The following TOM1 variants were observed in gnomAD, a reference collection of about 807,000 sequenced individuals.
TOM1 encodes the protein target of myb1 membrane trafficking protein.
In TOM1, 38 loss-of-function variants were observed where a neutral mutation model predicts 61.3. The observed-to-expected ratio is 0.62, with a 90% CI of 0.48 to 0.81. TOM1 has a LOEUF of 0.81. Ranked by LOEUF, TOM1 falls within the 40% of genes least tolerant of loss-of-function variation. The pLI, the probability that TOM1 is intolerant of heterozygous loss-of-function variation, is 0.00. For synonymous variants in TOM1, 270 were observed against 268.8 expected (o/e 1.00, Z -0.04); for missense variants, 591 against 659.6 (o/e 0.90, Z 1.14).
At chr22:35,343,975 C>CTACACCTACACATACAAACCTACACTCA (rs1930269468) in intron 12 of TOM1, among the ~76,000 whole-genome samples, 1 of 150,578 alleles carries the variant, frequency 6.6e-6, no homozygotes, top group Non-Finnish European at 1.5e-5. Context: ...CCTACACAAC[C>CTACACCTACACATACAAACCTACACTCA]TACACCTACA....
chr22:35,327,693 G>A (rs1005481797), intron 7 of TOM1, among the ~76,000 whole-genome samples: 3 of 152,200 alleles, frequency 2.0e-5, no homozygotes, highest in African/African-American at 7.2e-5. Flanking sequence ...TGAAAAACAC[G>A]CAGGCTTGTG....
chr22:35,303,890 C>T (rs138744), intron 1 of TOM1, among the ~76,000 whole-genome samples: 78,143 of 152,030 alleles, frequency 0.51, 22,914 homozygotes, highest in Non-Finnish European at 0.65. Context: ...TAGGCTGAAC[C>T]TCTTGAGAGC....
At position 35,347,195 on chromosome 22, in the gene TOM1, C is replaced by T; in HGVS notation, c.1465C>T (p.Leu489=). Residue 489 remains leucine (L), a synonymous_variant, in exon 15 of 15, where the codon CTG becomes TTG. Coordinates refer to ENST00000449058, the MANE Select transcript of TOM1 (RefSeq NM_005488.3). ...KKTQEKDDDM[L]FAL ...GACCCAGGAGAAAGATGATGACATG[C>T]TGTTTGCCTTATGAGTGTGGGGTCT... 1 of 1,610,524 alleles carries T rather than the reference C, an allele frequency of 6.2e-7. No individual in the cohort carries two copies. Among genetic ancestry groups the T allele is most frequent in the Non-Finnish European group, 8.5e-7 (1 of 1,178,156 alleles).
intron 1 of TOM1, among the ~76,000 whole-genome samples, chr22:35,313,353 A>T (rs543895726): frequency 6.6e-6 from 1 of 151,982 alleles, no homozygotes; most frequent in East Asian, 1.9e-4. Flanking sequence ...TCAAAAAAAA[A>T]AAAGAAAGAA....
At chr22:35,319,462 T>C (rs1334734713) in intron 2 of TOM1, among the ~76,000 whole-genome samples, 3 of 152,202 alleles carry the variant, frequency 2.0e-5, no homozygotes, top group Non-Finnish European at 2.9e-5. Context: ...ATACACTTTG[T>C]GCTCCCAGCA....
chr22:35,317,918 C>A lies in TOM1; in HGVS notation c.94C>A (p.Leu32Ile). 2 of 1,614,174 alleles carry A rather than the reference C, an allele frequency of 1.2e-6. No homozygotes were observed. Among genetic ancestry groups the A allele is most frequent in the Non-Finnish European group, 1.7e-6 (2 of 1,180,028 alleles). The change falls in exon 2 of 15, where the codon CTC becomes ATC. Residue 32 changes from leucine to isoleucine, a missense_variant. Coordinates refer to ENST00000449058, the MANE Select transcript of TOM1 (RefSeq NM_005488.3). Reference protein sequence around the residue: ...DGSLQSEDWALNMEICDIINE... With the variant: ...DGSLQSEDWAINMEICDIINE... ...CTCCCTGCAGAGCGAGGACTGGGCC[C>A]TCAACATGGAGATCTGCGACATCAT... is the stretch of plus-strand genomic sequence containing the variant.
chr22:35,338,671 C>G (rs774304642), intron 11 of TOM1, 42 bp from the exon 12 acceptor site: 2 of 1,473,934 alleles, frequency 1.4e-6, no homozygotes, highest in Non-Finnish European at 1.8e-6. Context: ...CATCAGCCAT[C>G]GGTAAGGGCA....
At chr22:35,334,549 A>T in intron 11 of TOM1, 101 bp downstream of exon 11, 2 of 1,447,338 alleles carry the variant, frequency 1.4e-6, no homozygotes, top group South Asian at 2.3e-5. Context: ...GGGCACACGG[A>T]CCCTGCTTAG....
intron 1 of TOM1, among the ~76,000 whole-genome samples, chr22:35,310,287 G>A (rs1926707772): frequency 6.6e-6 from 1 of 152,222 alleles, no homozygotes; most frequent in South Asian, 2.1e-4. Context: ...GGTCACGGTG[G>A]CTCACGCCTG....
At chr22:35,340,335 G>A (rs966212064) in intron 12 of TOM1, among the ~76,000 whole-genome samples, 2 of 152,190 alleles carry the variant, frequency 1.3e-5, no homozygotes, top group African/African-American at 4.8e-5. Flanking sequence ...AGGGACCAGA[G>A]GACCTCAGCG....
intron 11 of TOM1, among the ~76,000 whole-genome samples, chr22:35,338,347 G>A (rs1053735965): frequency 6.6e-6 from 1 of 152,200 alleles, no homozygotes; most frequent in Admixed American, 6.5e-5. Flanking sequence ...CACAACCACA[G>A]TCTATAAAAT....
At chr22:35,309,651 A>G (rs1488720208) in intron 1 of TOM1, among the ~76,000 whole-genome samples, 1 of 151,714 alleles carries the variant, frequency 6.6e-6, no homozygotes, top group African/African-American at 2.4e-5. Flanking sequence ...CTCAAAAAAA[A>G]AAAAAAAAAG....
At chr22:35,332,454 A>C (rs1157271056) in intron 8 of TOM1, among the ~76,000 whole-genome samples, 1 of 152,162 alleles carries the variant, frequency 6.6e-6, no homozygotes, top group Non-Finnish European at 1.5e-5. Flanking sequence ...GTCATGTGAT[A>C]AGTGACAAGG....
intron 12 of TOM1, among the ~76,000 whole-genome samples, chr22:35,341,799 T>C (rs1252094689): frequency 6.6e-6 from 1 of 152,188 alleles, no homozygotes; most frequent in Non-Finnish European, 1.5e-5. Context: ...GAGAAGCTGA[T>C]AAACCGGTTA....
At position 35,330,382 on chromosome 22, in the gene TOM1, G is replaced by C; in HGVS notation, c.801G>C (p.Arg267=). The change falls in exon 8 of 15, where the codon CGG becomes CGC. Residue 267 remains arginine, a synonymous_variant. Coordinates refer to ENST00000449058, the MANE Select transcript of TOM1 (RefSeq NM_005488.3). ...LNRTCRAMQQ[R]VLELIPQIAN... is the part of the protein sequence containing the mutation. The stretch of plus-strand genomic sequence containing the variant: ...GCACGTGCCGAGCCATGCAGCAGCG[G>C]GTCCTGGAGCTCATCCCTCAGATCG... 6.2e-7 allele frequency: 1 copy of C among 1,613,410 alleles called. No individual in the cohort carries two copies. Among genetic ancestry groups the C allele is most frequent in the Non-Finnish European group, 8.5e-7 (1 of 1,179,784 alleles).
At position 35,347,287 on chromosome 22, in the gene TOM1, G is replaced by A; in HGVS notation, c.*78G>A. On this transcript the variant is annotated 3_prime_UTR_variant, in exon 15 of 15. Coordinates refer to ENST00000449058, the MANE Select transcript of TOM1 (RefSeq NM_005488.3). The stretch of plus-strand genomic sequence containing the variant: ...GGCTGGGACCTCCCTCCCTCCTCTG[G>A]TGTTAAGGCTGCTTTGGGGGTGGCT... 2 of 1,456,510 alleles carry A rather than the reference G, an allele frequency of 1.4e-6. No homozygotes were observed. Among genetic ancestry groups the A allele is most frequent in the East Asian group, 2.3e-5 (1 of 42,870 alleles). 90.2% of individuals were successfully genotyped at this position (1,456,510 alleles called of 1,614,324 possible).
At chr22:35,343,485 C>A (rs1308076505) in intron 12 of TOM1, among the ~76,000 whole-genome samples, 1 of 143,532 alleles carries the variant, frequency 7.0e-6, no homozygotes, top group Non-Finnish European at 1.5e-5. Flanking sequence ...TACACACACC[C>A]CTACACACAT....
intron 2 of TOM1, 48 bp downstream of exon 2, chr22:35,318,009 C>T (rs1476164587): frequency 6.8e-7 from 1 of 1,465,168 alleles, no homozygotes; most frequent in Non-Finnish European, 9.6e-7. Flanking sequence ...GCCATCCCAC[C>T]ACGCAGCACA....
chr22:35,327,489 T>C, intron 7 of TOM1, 102 bp downstream of exon 7: 1 of 810,032 alleles, frequency 1.2e-6, no homozygotes, highest in Non-Finnish European at 2.0e-6. Context: ...GCTTACTCCA[T>C]ACTCCTTGGT....
Sources: allele counts gnomAD v4.1 joint callset (sites outside exome capture counted in the v4.1 genomes callset), GRCh38; gene constraint gnomAD v4.1.1; transcripts MANE v1.5; gene names NCBI Gene and HGNC (gene_info 2026-07-23, HGNC 2026-07-21).